The following CSMD1 variants were observed in gnomAD, a reference collection of about 807,000 sequenced individuals.
The protein encoded by CSMD1 is CUB and sushi domain-containing protein 1.
CSMD1 carries 213 observed loss-of-function variants against 417.5 expected under a neutral mutation model. That is an observed-to-expected ratio of 0.51 (90% CI 0.46 to 0.57). The LOEUF is 0.57. CSMD1 is among the 20% of genes least tolerant of loss of function. The pLI is 0.00. For missense variants in CSMD1, 6,923 were observed against 4,529.7 expected, an observed-to-expected ratio of 1.53 and a Z score of -15.17; for synonymous variants, 2,862 against 1,736.8, an observed-to-expected ratio of 1.65 and a Z score of -16.11.
At chr8:3,374,682 C>T (rs1320058289) in intron 18 of CSMD1, among the ~76,000 whole-genome samples, 1 of 152,140 alleles carries the variant, frequency 6.6e-6, no homozygotes, top group African/African-American at 2.4e-5. Flanking sequence ...TCAGAAGCAA[C>T]CCTATGGTAG....
intron 7 of CSMD1, among the ~76,000 whole-genome samples, chr8:3,657,065 C>T (rs1798147423): frequency 6.6e-6 from 1 of 151,922 alleles, no homozygotes; most frequent in Non-Finnish European, 1.5e-5. Flanking sequence ...ATAAACTTTT[C>T]TTCTGGAGAG....
At chr8:3,888,781 G>A (rs967898758) in intron 5 of CSMD1, among the ~76,000 whole-genome samples, 3 of 152,046 alleles carry the variant, frequency 2.0e-5, no homozygotes, top group East Asian at 1.9e-4. Context: ...TTCCATTTGG[G>A]TCCTTCCAAA....
intron 1 of CSMD1, among the ~76,000 whole-genome samples, chr8:4,901,747 G>C (rs1266977170): frequency 7.9e-5 from 12 of 152,148 alleles, no homozygotes; most frequent in Admixed American, 3.3e-4. Context: ...TAGCATAGAG[G>C]ACGGTAAGTA....
chr8:4,437,211 C>G (rs930261963), intron 2 of CSMD1, among the ~76,000 whole-genome samples: 3 of 152,176 alleles, frequency 2.0e-5, no homozygotes, highest in Admixed American at 1.3e-4. Context: ...AAATCAATGA[C>G]TGACCAATGT....
intron 26 of CSMD1, among the ~76,000 whole-genome samples, chr8:3,282,585 T>A (rs2194355): frequency 0.75 from 113,976 of 151,682 alleles, 43,150 homozygotes; most frequent in Admixed American, 0.84. Context: ...AGTAAAGGAC[T>A]TTTTTTCCCC....
chr8:3,770,792 T>C (rs1457166019), intron 5 of CSMD1, among the ~76,000 whole-genome samples: 1 of 152,148 alleles, frequency 6.6e-6, no homozygotes, highest in African/African-American at 2.4e-5. Context: ...TTTTTCTTTA[T>C]ACTCTCTCAA....
chr8:4,488,711 G>A (rs1023738982), intron 2 of CSMD1, among the ~76,000 whole-genome samples: 2 of 151,868 alleles, frequency 1.3e-5, no homozygotes, highest in Non-Finnish European at 2.9e-5. Flanking sequence ...GTGGATATGT[G>A]GCATCTGTCA....
chr8:4,320,978 T>A (rs1205748275), intron 3 of CSMD1, among the ~76,000 whole-genome samples: 1 of 152,168 alleles, frequency 6.6e-6, no homozygotes, highest in Non-Finnish European at 1.5e-5. Flanking sequence ...AGTTTCAGCA[T>A]TGCCTCCTTA....
chr8:4,759,867 G>T (rs2117089690), intron 1 of CSMD1, among the ~76,000 whole-genome samples: 1 of 152,286 alleles, frequency 6.6e-6, no homozygotes, highest in African/African-American at 2.4e-5. Flanking sequence ...GTACTGCAAT[G>T]AATATAGGCA....
chr8:3,930,866 A>T (rs971824138), intron 5 of CSMD1, among the ~76,000 whole-genome samples: 1 of 150,782 alleles, frequency 6.6e-6, no homozygotes, highest in Non-Finnish European at 1.5e-5. Context: ...GTTAACTTAC[A>T]TTTTAGTCTA....
Position 3,108,698 on chromosome 8 carries a change from G to C in CSMD1, c.6659C>G (p.Thr2220Arg), listed in dbSNP as rs1329321158. The change falls in exon 44 of 70, where the codon ACA becomes AGA. Residue 2220 changes from threonine to arginine, a missense_variant. Coordinates refer to ENST00000635120, the MANE Select transcript of CSMD1 (RefSeq NM_033225.6). ...SPQLGVFSGN[T>R]ALETAYSSTN... The stretch of plus-strand genomic sequence containing the variant: ...GGAGCTATACGCCGTTTCGAGGGCT[G>C]TGTTGCCACTGAAAACTCCCAGCTG... The C allele has an allele frequency of 6.2e-7, 1 of 1,613,628 alleles. No homozygotes were observed. The highest frequency in any genetic ancestry group is 8.5e-7 in the Non-Finnish European group (1 of 1,179,734).
chr8:4,540,829 C>T (rs1333877325), intron 2 of CSMD1, among the ~76,000 whole-genome samples: 1 of 151,702 alleles, frequency 6.6e-6, no homozygotes, highest in Non-Finnish European at 1.5e-5. Context: ...AAAACTGAGG[C>T]AAAAAAAGGT....
chr8:3,782,601 A>G (rs2129063428), intron 5 of CSMD1, among the ~76,000 whole-genome samples: 1 of 152,316 alleles, frequency 6.6e-6, no homozygotes, highest in African/African-American at 2.4e-5. Context: ...CCTATGTAAC[A>G]AACCTGCACG....
chr8:3,546,108 A>C (rs1437638653), intron 10 of CSMD1, among the ~76,000 whole-genome samples: 1 of 152,204 alleles, frequency 6.6e-6, no homozygotes. Flanking sequence ...AAAATCCAAG[A>C]AAATATGTTT....
At chr8:4,405,683 C>T (rs868373651) in intron 3 of CSMD1, among the ~76,000 whole-genome samples, 1 of 152,234 alleles carries the variant, frequency 6.6e-6, no homozygotes, top group African/African-American at 2.4e-5. Flanking sequence ...CATCGCTAAG[C>T]TCCATAAAAC....
chr8:3,520,822 T>C (rs1052364684), intron 10 of CSMD1, among the ~76,000 whole-genome samples: 4 of 152,052 alleles, frequency 2.6e-5, no homozygotes, highest in Admixed American at 2.0e-4. Context: ...CTAGGAAACA[T>C]CAACACCTCA....
chr8:3,267,086 G>C (rs1423723851), intron 26 of CSMD1, among the ~76,000 whole-genome samples: 3 of 151,406 alleles, frequency 2.0e-5, no homozygotes, highest in Admixed American at 6.6e-5. Context: ...GCCAGAGAGA[G>C]GGAAGGGTGA....
chr8:3,144,801 G>GA (rs1818738242), intron 40 of CSMD1, among the ~76,000 whole-genome samples: 2 of 139,974 alleles, frequency 1.4e-5, no homozygotes, highest in Non-Finnish European at 1.6e-5. Flanking sequence ...ACAAGGGGGG[G>GA]GGGGAGGGAG....
At chr8:4,427,282 T>C (rs57396002) in intron 2 of CSMD1, among the ~76,000 whole-genome samples, 24,020 of 152,080 alleles carry the variant, frequency 0.16, 2,035 homozygotes, top group South Asian at 0.28. Context: ...TATGTGGCCT[T>C]GGTGAGCAGG....
Sources: gnomAD v4.1 joint callset for allele counts (sites outside exome capture counted in the v4.1 genomes callset) on GRCh38, gnomAD v4.1.1 for gene constraint, MANE v1.5 for transcripts, NCBI Gene and HGNC (gene_info 2026-07-23, HGNC 2026-07-21) for gene names.